PRKN: variants seen among roughly 807,000 people sequenced by gnomAD.
The protein encoded by PRKN is E3 ubiquitin-protein ligase parkin.
In PRKN, 56 loss-of-function variants were observed where a neutral mutation model predicts 59.5. The observed-to-expected ratio is 0.94, with a 90% CI of 0.76 to 1.18. The LOEUF is 1.18. Ranked by LOEUF, PRKN falls within the 50% of genes most tolerant of loss-of-function variation. The pLI, the probability that PRKN is intolerant of heterozygous loss-of-function variation, is 0.00. For synonymous variants in PRKN, 250 were observed against 222.1 expected (o/e 1.13, Z -1.12); for missense variants, 657 against 596.4 (o/e 1.10, Z -1.06).
At chr6:161,922,780 G>A (rs1003521510) in intron 6 of PRKN, among the ~76,000 whole-genome samples, 2 of 152,102 alleles carry the variant, frequency 1.3e-5, no homozygotes, top group African/African-American at 2.4e-5. Flanking sequence ...GCCAGCATAA[G>A]CCTAAAAAAT....
At chr6:162,306,383 G>T (rs1342156983) in intron 2 of PRKN, among the ~76,000 whole-genome samples, 1 of 152,182 alleles carries the variant, frequency 6.6e-6, no homozygotes, top group African/African-American at 2.4e-5. Context: ...CCCCTATGGG[G>T]CAATTTCCAA....
Position 161,544,452 on chromosome 6 carries a change from ATAGT to A in PRKN, c.1083+4398_1083+4401del, listed in dbSNP as rs1382874651. Among the ~76,000 whole-genome samples the A allele has an allele frequency of 6.6e-6, 1 of 152,188 alleles. No homozygotes were observed. The highest frequency in any genetic ancestry group is 1.5e-5 in the Non-Finnish European group (1 of 68,042). ...TGATTAATATTGGAAAATAAAAGTA[ATAGT>A]TTGTTGATATTACTCCTAGATTATT... On this transcript the variant is annotated intron_variant, in intron 9 of 11. Coordinates refer to ENST00000366898, the MANE Select transcript of PRKN (RefSeq NM_004562.3). The surrounding 1 kb of genome is among the most constrained non-coding windows in gnomAD (Gnocchi z 5.5).
At chr6:161,858,773 T>C (rs1438175193) in intron 6 of PRKN, among the ~76,000 whole-genome samples, 1 of 151,282 alleles carries the variant, frequency 6.6e-6, no homozygotes, top group Non-Finnish European at 1.5e-5. Context: ...TGGCAGAGGG[T>C]TGGAGGCATG....
intron 1 of PRKN, among the ~76,000 whole-genome samples, chr6:162,530,201 A>G (rs1201457976): frequency 6.6e-6 from 1 of 151,974 alleles, no homozygotes; most frequent in Non-Finnish European, 1.5e-5. Context: ...AGTTAACATG[A>G]TTAGCATCCA....
At chr6:161,838,909 AG>A (rs1792870396) in intron 6 of PRKN, among the ~76,000 whole-genome samples, 1 of 152,208 alleles carries the variant, frequency 6.6e-6, no homozygotes, top group Non-Finnish European at 1.5e-5. Context: ...ACTAGAGCTC[AG>A]GGAGTCCCAT....
intron 1 of PRKN, among the ~76,000 whole-genome samples, chr6:162,627,178 T>A (rs1782930042): frequency 6.6e-6 from 1 of 152,160 alleles, no homozygotes; most frequent in Non-Finnish European, 1.5e-5. Context: ...CTAAGAGGGC[T>A]TGATACTTGG....
At chr6:161,855,079 T>G (rs1327975381) in intron 6 of PRKN, among the ~76,000 whole-genome samples, 1 of 115,362 alleles carries the variant, frequency 8.7e-6, no homozygotes, top group Non-Finnish European at 1.7e-5. Context: ...TGAGACTTCA[T>G]CTCAAAAAAA....
intron 7 of PRKN, among the ~76,000 whole-genome samples, chr6:161,628,730 C>T (rs951998312): frequency 2.0e-5 from 3 of 152,174 alleles, no homozygotes; most frequent in Admixed American, 6.5e-5. Context: ...ACTGCAGTAC[C>T]GTTCATTGTT....
intron 4 of PRKN, among the ~76,000 whole-genome samples, chr6:162,054,828 A>G (rs999412885): frequency 1.3e-5 from 2 of 152,248 alleles, no homozygotes; most frequent in African/African-American, 2.4e-5. Flanking sequence ...AGTAAAAAGC[A>G]TCACAAGCAT....
intron 2 of PRKN, among the ~76,000 whole-genome samples, chr6:162,313,208 C>G (rs1459178853): frequency 6.6e-6 from 1 of 152,102 alleles, no homozygotes; most frequent in Admixed American, 6.6e-5. Context: ...TCTCCAGAGC[C>G]ATTTCATCTT....
chr6:161,492,435 C>A (rs891683075), intron 9 of PRKN, among the ~76,000 whole-genome samples: 9 of 152,170 alleles, frequency 5.9e-5, no homozygotes, highest in Non-Finnish European at 5.9e-5. Flanking sequence ...TGGGAGGAGA[C>A]CCAGCTTGGA....
intron 4 of PRKN, among the ~76,000 whole-genome samples, chr6:162,117,805 A>C (rs1029098175): frequency 6.6e-6 from 1 of 152,304 alleles, no homozygotes. Context: ...ATTTAAAAGT[A>C]AACATTTTTG....
intron 1 of PRKN, among the ~76,000 whole-genome samples, chr6:162,725,581 G>A (rs373856534): frequency 1.3e-5 from 2 of 151,886 alleles, no homozygotes; most frequent in South Asian, 2.1e-4. Flanking sequence ...GCAACATTAT[G>A]AAACTCCATC....
chr6:161,665,817 C>T (rs1197846271), intron 7 of PRKN, among the ~76,000 whole-genome samples: 2 of 152,206 alleles, frequency 1.3e-5, no homozygotes, highest in Non-Finnish European at 2.9e-5. Context: ...AAACGCTGAA[C>T]TGACAGCCTC....
rs137927482 is a variant in PRKN at position 161,552,979 on chromosome 6, C to T, written c.934-3976G>A. Among the ~76,000 whole-genome samples, 1,206 of 151,758 alleles carry T rather than the reference C, an allele frequency of 7.9e-3. 24 individuals carry two copies. Among genetic ancestry groups the T allele is most frequent in the African/African-American group, 0.028 (1,152 of 41,418 alleles). On this transcript the variant is annotated intron_variant, in intron 8 of 11. Transcript: ENST00000366898. This position sits in a 1 kb window ranked among gnomAD's most constrained non-coding sequence, Gnocchi z 4.9. ...CTAGCTTTTGTATTTTTAGTAGAGA[C>T]GGGGTTTCACCATGTTGGCCAGGAT...
intron 7 of PRKN, among the ~76,000 whole-genome samples, chr6:161,776,959 T>C (rs946701299): frequency 6.6e-6 from 1 of 152,236 alleles, no homozygotes; most frequent in Non-Finnish European, 1.5e-5. Context: ...TTCTTGACCT[T>C]CTTCCCATAG....
At chr6:162,595,029 C>G (rs1781447100) in intron 1 of PRKN, among the ~76,000 whole-genome samples, 1 of 151,952 alleles carries the variant, frequency 6.6e-6, no homozygotes, top group Non-Finnish European at 1.5e-5. Flanking sequence ...AAAAAATTAG[C>G]TGGGCACTGT....
Position 161,639,629 on chromosome 6 carries a change from C to T in PRKN, c.872-70213G>A, listed in dbSNP as rs148068227. The stretch of plus-strand genomic sequence containing the variant: ...ATGTTTGCTAGAGACAGCCCAGCCC[C>T]GATCCAGCCCCATGGAGAGGGAGGC... On this transcript the variant is annotated intron_variant, in intron 7 of 11. Coordinates refer to ENST00000366898, the MANE Select transcript of PRKN (RefSeq NM_004562.3). Among the ~76,000 whole-genome samples, 328 of 152,292 alleles carry T rather than the reference C, an allele frequency of 2.2e-3. 5 individuals carry two copies. Among genetic ancestry groups the T allele is most frequent in the African/African-American group, 1.1e-3 (45 of 41,550 alleles).
intron 5 of PRKN, among the ~76,000 whole-genome samples, chr6:162,052,241 C>T (rs1223907087): frequency 6.6e-6 from 1 of 151,870 alleles, no homozygotes; most frequent in African/African-American, 2.4e-5. Flanking sequence ...GCTGTTCAGC[C>T]CATTTAGTAA....
Sources: allele counts gnomAD v4.1 joint callset (sites outside exome capture counted in the v4.1 genomes callset), GRCh38; gene constraint gnomAD v4.1.1; non-coding constraint Gnocchi (gnomAD v3.1); transcripts MANE v1.5; gene names NCBI Gene and HGNC (gene_info 2026-07-23, HGNC 2026-07-21).